The following GAD2 variants were observed in gnomAD, a reference collection of about 807,000 sequenced individuals.
GAD2 encodes glutamate decarboxylase 2, also known as 65 kDa glutamic acid decarboxylase.
A neutral mutation model predicts 80.1 loss-of-function variants in GAD2; 22 were observed. The observed-to-expected ratio is 0.27, with a 90% confidence interval of 0.20 to 0.39. The LOEUF (loss-of-function observed/expected upper bound fraction) is 0.39. Among genes scored for constraint, GAD2 ranks in the 10% least tolerant of loss-of-function variants. The pLI is 1.00. For synonymous variants in GAD2, 274 were observed against 256.9 expected (o/e 1.07, Z -0.64); for missense variants, 624 against 738.4 (o/e 0.85, Z 1.80).
Position 26,299,192 on chromosome 10 carries a change from A to G in GAD2, c.1585-1596A>G, listed in dbSNP as rs150075982. ...TAACAAATGATTGGACCCAATGGGA[A>G]CATTGCTATTTTATGCATTGGATAC... On this transcript the variant is annotated intron_variant, in intron 15 of 15. Transcript: ENST00000376261. 3.3e-5 allele frequency among the ~76,000 whole-genome samples: 5 copies of G among 152,360 alleles called. No individual in the cohort carries two copies. The East Asian group carries it at 9.6e-4, about 29-fold the overall frequency.
At chr10:26,291,414 G>A (rs1380508311) in intron 13 of GAD2, among the ~76,000 whole-genome samples, 1 of 147,004 alleles carries the variant, frequency 6.8e-6, no homozygotes, top group East Asian at 1.9e-4. Context: ...CCGATTACCT[G>A]GGGGAGCAGT....
At chr10:26,247,666 C>T (rs915186880) in intron 8 of GAD2, among the ~76,000 whole-genome samples, 1 of 151,860 alleles carries the variant, frequency 6.6e-6, no homozygotes, top group Non-Finnish European at 1.5e-5. Flanking sequence ...GAGGCCGAGG[C>T]GGGTGGATAA....
chr10:26,254,342 T>C (rs1844919169), intron 8 of GAD2, among the ~76,000 whole-genome samples: 1 of 152,210 alleles, frequency 6.6e-6, no homozygotes, highest in Non-Finnish European at 1.5e-5. Flanking sequence ...CCTAGATCCC[T>C]CACATCCGCA....
At chr10:26,288,114 G>A in intron 13 of GAD2, among the ~76,000 whole-genome samples, 1 of 152,124 alleles carries the variant, frequency 6.6e-6, no homozygotes, top group Non-Finnish European at 1.5e-5. Flanking sequence ...AGAAAAAGAG[G>A]GAGTTTTCGA....
At position 26,249,866 on chromosome 10, in the gene GAD2, C is replaced by T. The variant is rs1844857575; in HGVS notation, c.920+3866C>T. Among the ~76,000 whole-genome samples, 3 of 152,054 alleles carry T rather than the reference C, an allele frequency of 2.0e-5. No homozygotes were observed. The South Asian group carries it at 6.2e-4, about 32-fold the overall frequency. ...CAGAGGAGTGGTGGGGGAAAGGGAC[C>T]ATGGACAGGGCTGCCAGGACAGAGG... On this transcript the variant is annotated intron_variant, in intron 8 of 15. Coordinates refer to ENST00000376261, the MANE Select transcript of GAD2 (RefSeq NM_001134366.2).
chr10:26,266,387 T>G (rs1845074187), intron 8 of GAD2, among the ~76,000 whole-genome samples: 1 of 152,172 alleles, frequency 6.6e-6, no homozygotes, highest in African/African-American at 2.4e-5. Flanking sequence ...CGTTCTAAGG[T>G]AATCCGGCCA....
Position 26,286,437 on chromosome 10 carries a change from C to G in GAD2, c.1329C>G (p.Ala443=). Reference sequence around the variant, plus strand: ...TGTCCTATGACACTGGAGACAAGGCCTTACAGTGCGGACGCCACGTTGATG... The same window carrying G: ...TGTCCTATGACACTGGAGACAAGGCGTTACAGTGCGGACGCCACGTTGATG... ...YDLSYDTGDK[A]LQCGRHVDVF... The change falls in exon 13 of 16, where the codon GCC becomes GCG. Residue 443 remains alanine (A), a synonymous_variant. Coordinates refer to ENST00000376261, the MANE Select transcript of GAD2 (RefSeq NM_001134366.2). 1 of 1,613,972 alleles carries G rather than the reference C, an allele frequency of 6.2e-7. No individual in the cohort carries two copies.
At chr10:26,288,752 A>G (rs1423156434) in intron 13 of GAD2, among the ~76,000 whole-genome samples, 5 of 152,166 alleles carry the variant, frequency 3.3e-5, no homozygotes, top group Non-Finnish European at 7.3e-5. Flanking sequence ...GGTAATGATC[A>G]TCAGTGATAT....
intron 8 of GAD2, among the ~76,000 whole-genome samples, chr10:26,257,105 C>T (rs187264904): frequency 3.9e-5 from 6 of 152,188 alleles, no homozygotes; most frequent in African/African-American, 1.4e-4. Context: ...CGGCTGGGTG[C>T]GGTGGCTCAT....
chr10:26,283,434 A>G (rs1444453944), intron 12 of GAD2, among the ~76,000 whole-genome samples: 1 of 152,236 alleles, frequency 6.6e-6, no homozygotes, highest in Non-Finnish European at 1.5e-5. Flanking sequence ...TGATTGGACA[A>G]GGAAGGCTTG....
At chr10:26,249,040 A>G (rs2132290330) in intron 8 of GAD2, among the ~76,000 whole-genome samples, 1 of 152,260 alleles carries the variant, frequency 6.6e-6, no homozygotes, top group South Asian at 2.1e-4. Context: ...TGAGGCAAAC[A>G]CATTTTGGAA....
chr10:26,265,982 T>C (rs527643374), intron 8 of GAD2, among the ~76,000 whole-genome samples: 1 of 152,326 alleles, frequency 6.6e-6, no homozygotes, highest in South Asian at 2.1e-4. Context: ...ATATGAGAAG[T>C]ACTTAGTGTG....
At position 26,273,692 on chromosome 10, in the gene GAD2, C is replaced by T. The variant is rs750836440; in HGVS notation, c.1149C>T (p.Gly383=). 1.7e-5 allele frequency: 28 copies of T among 1,612,458 alleles called. No homozygotes were observed. The highest frequency in any genetic ancestry group is 1.3e-5 in the African/African-American group (1 of 74,742). The part of the protein sequence containing the change: ...MSRKHKWKLS[G]VERANSVTWN... ...GAAAACACAAGTGGAAACTGAGTGG[C>T]GTGGAGAGGTATGTTGCATTTTTCT... The change falls in exon 11 of 16, where the codon GGC becomes GGT. Residue 383 remains glycine, a synonymous_variant. Transcript: ENST00000376261.
At chr10:26,221,296 C>T (rs566673806) in intron 4 of GAD2, among the ~76,000 whole-genome samples, 150 of 152,284 alleles carry the variant, frequency 9.9e-4, no homozygotes, top group Middle Eastern at 3.4e-3. Flanking sequence ...GAGACCTTAA[C>T]CTGATTTCCA....
At position 26,288,532 on chromosome 10, in the gene GAD2, C is replaced by T. The variant is rs145244462; in HGVS notation, c.1386+2038C>T. On this transcript the variant is annotated intron_variant, in intron 13 of 15. Transcript: ENST00000376261. ...TTTCATTTGGAAGAAAAACCCAAAG[C>T]AGTCAAGAATGTAAAGTATTGATGT... is the stretch of plus-strand genomic sequence containing the variant. Among the ~76,000 whole-genome samples the T allele has an allele frequency of 5.5e-4, 84 of 152,270 alleles. 1 individual carries two copies. The highest frequency in any genetic ancestry group is 1.8e-3 in the African/African-American group (73 of 41,558).
chr10:26,278,433 A>G (rs575705752), intron 11 of GAD2, among the ~76,000 whole-genome samples: 2 of 152,330 alleles, frequency 1.3e-5, no homozygotes, highest in East Asian at 3.9e-4. Flanking sequence ...ACATATTATT[A>G]TTCTCCTTTT....
At chr10:26,262,973 C>G (rs1375476688) in intron 8 of GAD2, among the ~76,000 whole-genome samples, 1 of 152,042 alleles carries the variant, frequency 6.6e-6, no homozygotes, top group Admixed American at 6.6e-5. Flanking sequence ...CCTGTCAGCT[C>G]TAATACTACC....
chr10:26,241,845 C>A (rs1437102130), intron 7 of GAD2, among the ~76,000 whole-genome samples: 2 of 152,152 alleles, frequency 1.3e-5, no homozygotes, highest in African/African-American at 2.4e-5. Flanking sequence ...TGCGTCCTCA[C>A]TCCTCTGGGT....
At chr10:26,259,990 C>T (rs552771804) in intron 8 of GAD2, among the ~76,000 whole-genome samples, 1 of 152,046 alleles carries the variant, frequency 6.6e-6, no homozygotes, top group Non-Finnish European at 1.5e-5. Context: ...ATAAAAGAAC[C>T]TAGATATAAT....
Sources: gnomAD v4.1 joint callset for allele counts (sites outside exome capture counted in the v4.1 genomes callset) on GRCh38, gnomAD v4.1.1 for gene constraint, MANE v1.5 for transcripts, NCBI Gene and HGNC (gene_info 2026-07-23, HGNC 2026-07-21) for gene names.